DOK6: variants seen among roughly 807,000 people sequenced by gnomAD.
DOK6 encodes the protein docking protein 6, also known as downstream of tyrosine kinase 6.
Under a neutral mutation model 44.0 loss-of-function variants are expected in DOK6, and 22 were observed. The ratio of observed to expected loss-of-function variants is 0.50; its 90% CI spans 0.36 to 0.71. The LOEUF is 0.71. Ranked by LOEUF, DOK6 falls within the 30% of genes least tolerant of loss-of-function variation. DOK6 has a pLI of 0.00. For missense variants in DOK6, 340 were observed against 416.4 expected (o/e 0.82, Z 1.60); for synonymous variants, 166 against 145.5 (o/e 1.14, Z -1.01).
intron 3 of DOK6, among the ~76,000 whole-genome samples, chr18:69,672,991 A>G (rs975569938): frequency 6.6e-6 from 1 of 152,206 alleles, no homozygotes; most frequent in Non-Finnish European, 1.5e-5. Context: ...TGCACAGAAC[A>G]TAAGAATTAG....
chr18:69,544,927 G>A (rs1243382541), intron 1 of DOK6, among the ~76,000 whole-genome samples: 1 of 151,142 alleles, frequency 6.6e-6, no homozygotes, highest in African/African-American at 2.4e-5. Context: ...TCAGGAGCTC[G>A]AGACCATCCT....
chr18:69,708,748 C>G (rs1986692044), intron 5 of DOK6, among the ~76,000 whole-genome samples: 1 of 141,932 alleles, frequency 7.0e-6, no homozygotes, highest in African/African-American at 2.7e-5. Flanking sequence ...CACGCCATTG[C>G]ACTCTAGCCT....
At chr18:69,822,843 T>C (rs929072085) in intron 7 of DOK6, among the ~76,000 whole-genome samples, 1 of 152,366 alleles carries the variant, frequency 6.6e-6, no homozygotes, top group Admixed American at 6.5e-5. Context: ...ACCAGTGTGT[T>C]ATAATGAAGT....
At chr18:69,570,697 T>C (rs28668336) in intron 2 of DOK6, among the ~76,000 whole-genome samples, 47,296 of 151,816 alleles carry the variant, frequency 0.31, 7,740 homozygotes, top group East Asian at 0.56. Flanking sequence ...CATGACATAC[T>C]GGGGGTCAGT....
At chr18:69,832,994 C>A (rs1981945235) in intron 7 of DOK6, among the ~76,000 whole-genome samples, 1 of 152,048 alleles carries the variant, frequency 6.6e-6, no homozygotes, top group Non-Finnish European at 1.5e-5. Context: ...CTACCCAAAG[C>A]AATCTACAGA....
intron 1 of DOK6, among the ~76,000 whole-genome samples, chr18:69,508,584 G>A (rs75329921): frequency 0.01 from 1,546 of 152,318 alleles, 25 homozygotes; most frequent in East Asian, 0.052. Context: ...TAGGTAGTGA[G>A]TGTGAGGATG....
intron 4 of DOK6, among the ~76,000 whole-genome samples, chr18:69,691,640 T>C (rs937912730): frequency 3.9e-5 from 6 of 152,146 alleles, no homozygotes; most frequent in Non-Finnish European, 8.8e-5. Flanking sequence ...CTGTTTGTGA[T>C]AGCCAAACAA....
intron 1 of DOK6, among the ~76,000 whole-genome samples, chr18:69,531,053 G>C (rs1599176398): frequency 6.6e-6 from 1 of 151,810 alleles, no homozygotes; most frequent in East Asian, 1.9e-4. Flanking sequence ...TTTAAAGTCT[G>C]TTTTATCAGA....
At chr18:69,574,964 T>C (rs1983204743) in intron 2 of DOK6, among the ~76,000 whole-genome samples, 1 of 152,008 alleles carries the variant, frequency 6.6e-6, no homozygotes, top group Admixed American at 6.6e-5. Context: ...TAGATTTAGG[T>C]GACGTTCTCC....
intron 1 of DOK6, among the ~76,000 whole-genome samples, chr18:69,546,258 CAA>C (rs1233401730): frequency 7.0e-6 from 1 of 143,762 alleles, no homozygotes; most frequent in Non-Finnish European, 1.5e-5. Flanking sequence ...GCTTGGACAA[CAA>C]GAGCAAAACT....
intron 1 of DOK6, among the ~76,000 whole-genome samples, chr18:69,402,704 C>A (rs149953019): frequency 6.6e-6 from 1 of 152,330 alleles, no homozygotes; most frequent in Non-Finnish European, 1.5e-5. Flanking sequence ...AGAGCGAGTG[C>A]GGAGCTGGGT....
intron 2 of DOK6, among the ~76,000 whole-genome samples, chr18:69,568,613 T>G (rs957849563): frequency 1.3e-5 from 2 of 152,122 alleles, no homozygotes; most frequent in Non-Finnish European, 2.9e-5. Flanking sequence ...CATGAACCAG[T>G]GCTGGGCTGT....
chr18:69,637,383 G>A (rs1412997752), intron 3 of DOK6, among the ~76,000 whole-genome samples: 1 of 152,038 alleles, frequency 6.6e-6, no homozygotes, highest in African/African-American at 2.4e-5. Context: ...GAGAGTAAAA[G>A]GAAATAAAAA....
rs544853767 is a variant in DOK6, at chr18:69,707,538, C to T, written c.599+8945C>T. ...GCTATTTATTCATTTATCACTGTACCACTATTAGGATCAAGTATTAGGATC... is the reference window on the plus strand; with the variant it reads ...GCTATTTATTCATTTATCACTGTACTACTATTAGGATCAAGTATTAGGATC... On this transcript the variant is annotated intron_variant, in intron 5 of 7. Transcript: ENST00000382713. Among the ~76,000 whole-genome samples, 4 of 152,192 alleles carry T rather than the reference C, an allele frequency of 2.6e-5. No individual in the cohort carries two copies. The East Asian group carries it at 7.7e-4, about 29-fold the overall frequency.
chr18:69,551,163 G>C (rs1568294101), intron 1 of DOK6, among the ~76,000 whole-genome samples: 1 of 152,304 alleles, frequency 6.6e-6, no homozygotes, highest in East Asian at 1.9e-4. Context: ...ATAGTGATAA[G>C]TGTATGGACA....
chr18:69,499,031 T>C (rs1980976518), intron 1 of DOK6, among the ~76,000 whole-genome samples: 2 of 152,214 alleles, frequency 1.3e-5, no homozygotes, highest in Admixed American at 1.3e-4. Flanking sequence ...TTTGAGATAA[T>C]AGATTGATGT....
intron 6 of DOK6, among the ~76,000 whole-genome samples, chr18:69,742,145 T>G (rs1323868764): frequency 6.6e-6 from 1 of 152,170 alleles, no homozygotes; most frequent in East Asian, 1.9e-4. Context: ...CCAGGCACGG[T>G]GGCTCATGCC....
chr18:69,586,494 A>C (rs1983503312), intron 2 of DOK6, among the ~76,000 whole-genome samples: 1 of 152,164 alleles, frequency 6.6e-6, no homozygotes, highest in African/African-American at 2.4e-5. Context: ...AAAATAAACT[A>C]TGATTGGTTA....
At chr18:69,706,456 A>G (rs1986635137) in intron 5 of DOK6, among the ~76,000 whole-genome samples, 1 of 152,192 alleles carries the variant, frequency 6.6e-6, no homozygotes, top group African/African-American at 2.4e-5. Flanking sequence ...CATTTTCAAC[A>G]GGGAGAATAG....
Sources: allele counts gnomAD v4.1 joint callset (sites outside exome capture counted in the v4.1 genomes callset), GRCh38; gene constraint gnomAD v4.1.1; transcripts MANE v1.5; gene names NCBI Gene and HGNC (gene_info 2026-07-23, HGNC 2026-07-21).